Variants in RNF144A observed in about 807,000 individuals in gnomAD.
The protein encoded by RNF144A is E3 ubiquitin-protein ligase RNF144A.
A neutral mutation model predicts 38.7 loss-of-function variants in RNF144A; 11 were observed. That is an observed-to-expected ratio of 0.28 (90% CI 0.18 to 0.47). RNF144A has a LOEUF of 0.47. Among genes scored for constraint, RNF144A ranks in the 20% least tolerant of loss-of-function variants. The probability of loss-of-function intolerance (pLI) is 0.99; values close to 1 mark genes in which losing one functional copy is unlikely to be tolerated. For missense variants in RNF144A, 316 were observed against 377.2 expected, an observed-to-expected ratio of 0.84 and a Z score of 1.34; for synonymous variants, 149 against 143.9, an observed-to-expected ratio of 1.04 and a Z score of -0.25.
chr2:7,067,464 G>A (rs757101601), intron 6 of RNF144A, among the ~76,000 whole-genome samples: 42 of 152,216 alleles, frequency 2.8e-4, no homozygotes, highest in Admixed American at 9.8e-4. Flanking sequence ...ACTTGAAGAG[G>A]CTTCAAGCTC....
intron 1 of RNF144A, among the ~76,000 whole-genome samples, chr2:6,922,495 A>T (rs1664598927): frequency 6.6e-6 from 1 of 152,236 alleles, no homozygotes; most frequent in South Asian, 2.1e-4. Context: ...AATTCTGTGG[A>T]GCAGGGCATG....
intron 1 of RNF144A, chr2:6,933,290 C>CT (rs1002109121): frequency 3.3e-5 from 5 of 152,052 alleles, no homozygotes; most frequent in Non-Finnish European, 7.3e-5. Context: ...GGCACAGAGT[C>CT]TAAAATGTTC....
chr2:6,983,939 T>C (rs754851225), intron 2 of RNF144A, among the ~76,000 whole-genome samples: 7 of 152,246 alleles, frequency 4.6e-5, no homozygotes, highest in Non-Finnish European at 8.8e-5. Context: ...GCAGCTTCTT[T>C]TTCAAAGTAT....
chr2:6,924,820 C>A (rs1332717216), intron 1 of RNF144A, among the ~76,000 whole-genome samples: 1 of 152,262 alleles, frequency 6.6e-6, no homozygotes, highest in East Asian at 1.9e-4. Context: ...TCACTGTATT[C>A]TCTGTCTCTG....
chr2:7,046,660 C>T (rs935915502), downstream of RNF144A, among the ~76,000 whole-genome samples: 2 of 152,220 alleles, frequency 1.3e-5, no homozygotes, highest in Non-Finnish European at 2.9e-5. Context: ...ACCCTCTTCC[C>T]TCCTGTTTTC....
intron 1 of RNF144A, among the ~76,000 whole-genome samples, chr2:6,925,764 C>A (rs1664816158): frequency 6.6e-6 from 1 of 152,212 alleles, no homozygotes; most frequent in Non-Finnish European, 1.5e-5. Context: ...CCCATCTTCT[C>A]TTGATTGCAT....
At chr2:7,028,119 A>G (rs1160369637) in intron 7 of RNF144A, among the ~76,000 whole-genome samples, 1 of 152,166 alleles carries the variant, frequency 6.6e-6, no homozygotes, top group Non-Finnish European at 1.5e-5. Context: ...GGCGGCCCCA[A>G]GGAGGAGTCA....
In RNF144A at chr2:7,049,516, C is replaced by G. The variant is rs183940723; in HGVS notation, c.735-18700C>G. On this transcript the variant is annotated intron_variant, in intron 6 of 6. Transcript: ENST00000432850. The stretch of plus-strand genomic sequence containing the variant: ...TGAAAAACGAGTCTCTTGGAATCCA[C>G]AAAGGATGAAGATGACAAAAATTCA... Among the ~76,000 whole-genome samples the G allele has an allele frequency of 2.1e-3, 320 of 152,282 alleles. 1 individual carries two copies. Among genetic ancestry groups the G allele is most frequent in the Non-Finnish European group, 2.3e-3 (155 of 68,018 alleles).
Position 6,923,426 on chromosome 2 carries a change from C to T in RNF144A, c.-212+5804C>T, listed in dbSNP as rs78458704. On this transcript the variant is annotated intron_variant, in intron 1 of 8. Coordinates refer to ENST00000320892, the MANE Select transcript of RNF144A (RefSeq NM_014746.6). Reference sequence around the variant, plus strand: ...GTTGCCCAAGTTACCTGTGAGCCCGCGGGTTGAGTGTTCAAGCCTCTTCCT... The same window carrying T: ...GTTGCCCAAGTTACCTGTGAGCCCGTGGGTTGAGTGTTCAAGCCTCTTCCT... Among the ~76,000 whole-genome samples the T allele has an allele frequency of 7.9e-3, 1,204 of 152,304 alleles. 14 individuals carry two copies. Among genetic ancestry groups the T allele is most frequent in the African/African-American group, 0.028 (1,145 of 41,564 alleles).
At chr2:6,942,389 G>C (rs1391914491) in intron 2 of RNF144A, among the ~76,000 whole-genome samples, 4 of 152,176 alleles carry the variant, frequency 2.6e-5, no homozygotes, top group Non-Finnish European at 5.9e-5. Flanking sequence ...AGAGGGCGGA[G>C]GACAAGAGTA....
rs149303180 is a variant in RNF144A, at chr2:6,944,613, T to A, written c.-12+3466T>A. On this transcript the variant is annotated intron_variant, in intron 2 of 8. Coordinates refer to ENST00000320892, the MANE Select transcript of RNF144A (RefSeq NM_014746.6). The surrounding 1 kb of genome is among the most constrained non-coding windows in gnomAD (Gnocchi z 4.7). ...TTTTTTAATCTTAACTTTAACATAT[T>A]AGGATTATTGCATCTTTCCCTGCAG... Among the ~76,000 whole-genome samples, 25 of 152,266 alleles carry A rather than the reference T, an allele frequency of 1.6e-4. No individual in the cohort carries two copies. The East Asian group carries it at 3.9e-3, about 24-fold the overall frequency.
intron 1 of RNF144A, among the ~76,000 whole-genome samples, chr2:6,940,357 A>G (rs1461034293): frequency 6.6e-6 from 1 of 152,206 alleles, no homozygotes; most frequent in African/African-American, 2.4e-5. Context: ...ATAATAACAT[A>G]TAGTTGTTAC....
chr2:6,996,820 TC>T, intron 2 of RNF144A, 95 bp from the exon 3 acceptor site: 2 of 1,315,582 alleles, frequency 1.5e-6, no homozygotes, highest in Non-Finnish European at 1.1e-6. Context: ...GTTGGCCACC[TC>T]CCTGGGTCCC....
chr2:6,989,773 C>T (rs193074645), intron 2 of RNF144A, among the ~76,000 whole-genome samples: 2 of 152,138 alleles, frequency 1.3e-5, no homozygotes, highest in African/African-American at 2.4e-5. Context: ...CAGCCGCCCC[C>T]CTCCAAGCTA....
intron 1 of RNF144A, chr2:6,933,096 TGC>T: frequency 6.6e-6 from 1 of 152,376 alleles, no homozygotes; most frequent in East Asian, 1.9e-4. Flanking sequence ...AGAGCTATAC[TGC>T]TTTTTGAAAT....
chr2:7,018,584 G>GC (rs1319360160), intron 5 of RNF144A, among the ~76,000 whole-genome samples: 2 of 152,236 alleles, frequency 1.3e-5, no homozygotes, highest in African/African-American at 4.8e-5. Flanking sequence ...CCAGGCATCT[G>GC]CCCCCACACA....
chr2:7,031,178 A>T (rs1672276849), intron 8 of RNF144A, among the ~76,000 whole-genome samples: 1 of 151,394 alleles, frequency 6.6e-6, no homozygotes, highest in Admixed American at 6.6e-5. Context: ...GGTGTTGGGG[A>T]CCCTGGCCCT....
chr2:7,023,271 A>G (rs1047971205), intron 6 of RNF144A, among the ~76,000 whole-genome samples: 1 of 152,230 alleles, frequency 6.6e-6, no homozygotes, highest in Admixed American at 6.5e-5. Flanking sequence ...AGGATTGTTC[A>G]CTGCCAATCA....
intron 2 of RNF144A, among the ~76,000 whole-genome samples, chr2:6,950,106 G>C (rs957766021): frequency 6.6e-6 from 1 of 152,146 alleles, no homozygotes; most frequent in African/African-American, 2.4e-5. Flanking sequence ...ACTTCATTAT[G>C]TCAGTTTTGA....
Sources: allele counts gnomAD v4.1 joint callset (sites outside exome capture counted in the v4.1 genomes callset), GRCh38; gene constraint gnomAD v4.1.1; non-coding constraint Gnocchi (gnomAD v3.1); transcripts MANE v1.5; gene names NCBI Gene and HGNC (gene_info 2026-07-23, HGNC 2026-07-21).